Variants in PRMT5 observed in about 807,000 individuals in gnomAD.
The protein encoded by PRMT5 is protein arginine methyltransferase 5, also known as protein arginine N-methyltransferase 5.
Under a neutral mutation model 84.0 loss-of-function variants are expected in PRMT5, and 15 were observed. The observed-to-expected ratio is 0.18, with a 90% CI of 0.12 to 0.28. The LOEUF is 0.28. PRMT5 is among the 10% of genes least tolerant of loss of function. PRMT5 has a pLI of 1.00. For missense variants in PRMT5, 486 were observed against 808.0 expected (o/e 0.60, Z 4.83); for synonymous variants, 276 against 292.4 (o/e 0.94, Z 0.57).
rs1386397749 is a variant in PRMT5 at position 22,924,360 on chromosome 14, G to A, written c.1109C>T (p.Pro370Leu). The A allele has an allele frequency of 6.2e-7, 1 of 1,613,974 alleles. No homozygotes were observed. The highest frequency in any genetic ancestry group is 8.5e-7 in the Non-Finnish European group (1 of 1,180,012). ...TGCCCGCAGGGAAGCGTTCACCAGG[G>A]GTCCCCGTCCTGCTCCCAGCACCAT... ...VLMVLGAGRGPLVNASLRAAK... is the reference protein window; with the variant it reads ...VLMVLGAGRGLLVNASLRAAK... The change falls in exon 11 of 17, where the codon CCC (proline) becomes CTC (leucine). Residue 370 changes from proline to leucine, a missense_variant. By Grantham distance (98) the Pro-to-Leu change is moderately conservative (BLOSUM62 -3). This residue lies in a region of PRMT5 where 219 missense variants were observed against 433.6 expected (regional missense o/e 0.51). Coordinates refer to ENST00000324366, the MANE Select transcript of PRMT5 (RefSeq NM_006109.5). The surrounding 1 kb of genome is among the most constrained non-coding windows in gnomAD (Gnocchi z 6.5).
chr14:22,925,295 T>C (rs1297770413), intron 7 of PRMT5, among the ~76,000 whole-genome samples: 2 of 152,002 alleles, frequency 1.3e-5, no homozygotes, highest in African/African-American at 4.8e-5. Context: ...TAGCTGGGAC[T>C]ACAGGTGCGT....
In PRMT5 at chr14:22,928,707, C is replaced by T; in HGVS notation, c.111-92G>A. On this transcript the variant is annotated intron_variant, in intron 1 of 16. Coordinates refer to ENST00000324366, the MANE Select transcript of PRMT5 (RefSeq NM_006109.5). This position sits in a 1 kb window ranked among gnomAD's most constrained non-coding sequence, Gnocchi z 4.8. ...TTTAGGCTATCTTGATTTTGCACAG[C>T]CCTTTCAGCTGCCATCAGTTCAGCC... The T allele has an allele frequency of 9.8e-7, 1 of 1,023,284 alleles. No individual in the cohort carries two copies. The highest frequency in any genetic ancestry group is 1.3e-5 in the South Asian group (1 of 77,148). 63.4% of individuals were successfully genotyped at this position (1,023,284 alleles called of 1,614,324 possible).
Position 22,928,154 on chromosome 14 carries a change from A to G in PRMT5, c.287T>C (p.Val96Ala), listed in dbSNP as rs201289389. The change falls in exon 3 of 17, where the codon GTG (valine) becomes GCG (alanine). Residue 96 changes from valine to alanine, a missense_variant. By Grantham distance (64) the Val-to-Ala change is moderately conservative (BLOSUM62 0). Around this residue, in one of 4 missense-constraint regions of PRMT5, gnomAD observed 215 missense variants for 301.1 expected, o/e 0.71. Coordinates refer to ENST00000324366, the MANE Select transcript of PRMT5 (RefSeq NM_006109.5). The surrounding 1 kb of genome is among the most constrained non-coding windows in gnomAD (Gnocchi z 4.8). ...LSPWIRPDSK[V>A]EKIRRNSEAA... ...CTCGGAGTTCCTGCGAATCTTCTCC[A>G]CTTTTGAGTCTGGACGAATCCATGG... 22 of 1,614,072 alleles carry G rather than the reference A, an allele frequency of 1.4e-5. No homozygotes were observed. The highest frequency in any genetic ancestry group is 1.7e-5 in the Non-Finnish European group (20 of 1,180,038).
rs1438181127 is a variant in PRMT5 at position 22,923,994 on chromosome 14, C to A, written c.1375+14G>T. ...CCATCATCACCCTCCACCTACACCCCAACCTGGGGGCACCTTTTAGGAAGT... is the reference window on the plus strand; with the variant it reads ...CCATCATCACCCTCCACCTACACCCAAACCTGGGGGCACCTTTTAGGAAGT... On this transcript the variant is annotated intron_variant, in intron 12 of 16. Coordinates refer to ENST00000324366, the MANE Select transcript of PRMT5 (RefSeq NM_006109.5). The surrounding 1 kb of genome is among the most constrained non-coding windows in gnomAD (Gnocchi z 5.2). 4.5e-6 allele frequency: 7 copies of A among 1,540,760 alleles called. No homozygotes were observed. Among genetic ancestry groups the A allele is most frequent in the Non-Finnish European group, 6.1e-6 (7 of 1,146,250 alleles).
rs767675628 is a variant in PRMT5, at chr14:22,924,603, C to T, written c.1017+29G>A. ...CTCCCCAGGTCATGCTGGCCCTGTG[C>T]TTTCCTCACCCTGGGCACCACACAG... On this transcript the variant is annotated intron_variant, in intron 9 of 16. Transcript: ENST00000324366. This position sits in a 1 kb window ranked among gnomAD's most constrained non-coding sequence, Gnocchi z 6.5. The T allele has an allele frequency of 4.3e-6, 7 of 1,612,792 alleles. No individual in the cohort carries two copies. Among genetic ancestry groups the T allele is most frequent in the Non-Finnish European group, 5.9e-6 (7 of 1,178,816 alleles).
Position 22,923,876 on chromosome 14 carries a change from G to T in PRMT5, c.1375+132C>A. On this transcript the variant is annotated intron_variant, in intron 12 of 16. Transcript: ENST00000324366. This position sits in a 1 kb window ranked among gnomAD's most constrained non-coding sequence, Gnocchi z 5.2. ...TTCATTTGCTAGGGGCACAGAGGCA[G>T]TGAAGCAGTGGCTCTCAAACTCATA... 1 of 972,516 alleles carries T rather than the reference G, an allele frequency of 1.0e-6. No individual in the cohort carries two copies. The highest frequency in any genetic ancestry group is 1.5e-6 in the Non-Finnish European group (1 of 667,378). The allele number at this position is 972,516 out of a possible 1,614,324, so 60.2% of individuals were successfully genotyped here.
In PRMT5 at chr14:22,924,603, C is replaced by A. The variant is rs767675628; in HGVS notation, c.1017+29G>T. On this transcript the variant is annotated intron_variant, in intron 9 of 16. Transcript: ENST00000324366. The surrounding 1 kb of genome is among the most constrained non-coding windows in gnomAD (Gnocchi z 6.5). ...CTCCCCAGGTCATGCTGGCCCTGTGCTTTCCTCACCCTGGGCACCACACAG... is the reference window on the plus strand; with the variant it reads ...CTCCCCAGGTCATGCTGGCCCTGTGATTTCCTCACCCTGGGCACCACACAG... The A allele has an allele frequency of 6.2e-7, 1 of 1,612,792 alleles. No individual in the cohort carries two copies. Among genetic ancestry groups the A allele is most frequent in the Admixed American group, 1.7e-5 (1 of 60,006 alleles).
intron 7 of PRMT5, 130 bp downstream of exon 7, chr14:22,926,003 C>T: frequency 1.9e-6 from 2 of 1,030,184 alleles, no homozygotes; most frequent in Non-Finnish European, 2.8e-6. Context: ...CTCAAGATTC[C>T]CAACTTCACT....
chr14:22,925,182 G>A, intron 7 of PRMT5, 142 bp from the exon 8 acceptor site: 1 of 951,924 alleles, frequency 1.1e-6, no homozygotes, highest in East Asian at 2.8e-5. Context: ...AAAAGATGGA[G>A]TCTCGCTCTA....
rs563922807 is a variant in PRMT5, at chr14:22,921,975, G to C, written c.1761+201C>G. On this transcript the variant is annotated intron_variant, in intron 16 of 16. Transcript: ENST00000324366. ...TCTTGCTCAAAGTAGAGAACAGACA[G>C]AAGAGTAGCCAGAGTAGATGCGGGA... 2.0e-5 allele frequency among the ~76,000 whole-genome samples: 3 copies of C among 151,644 alleles called. No homozygotes were observed. In the South Asian group the frequency reaches 6.3e-4, roughly 32 times the overall value.
Position 22,926,535 on chromosome 14 carries a change from A to G in PRMT5, c.584T>C (p.Leu195Ser). The G allele has an allele frequency of 1.2e-6, 2 of 1,614,158 alleles. No individual in the cohort carries two copies. Among genetic ancestry groups the G allele is most frequent in the Non-Finnish European group, 1.7e-6 (2 of 1,180,030 alleles). Residue 195 changes from leucine (L) to serine (S), a missense_variant, in exon 6 of 17, where the codon TTG becomes TCG. Leu to Ser is a moderately radical substitution (Grantham distance 145, BLOSUM62 -2). Coordinates refer to ENST00000324366, the MANE Select transcript of PRMT5 (RefSeq NM_006109.5). ...TGCAATCCTCTTACTATAGTCACAC[A>G]AAGTCCGGAAGTTGTGCCACCTGTT... ...TWMWWHNFRTLCDYSKRIAVA... is the reference protein window; with the variant it reads ...TWMWWHNFRTSCDYSKRIAVA...
At chr14:22,929,001 C>T (rs1364835557) in intron 1 of PRMT5, 4 of 827,420 alleles carry the variant, frequency 4.8e-6, no homozygotes, top group Non-Finnish European at 3.8e-6. Flanking sequence ...AGACAATAAT[C>T]GCGACCTCCA....
At chr14:22,926,906 C>T (rs548768806) in intron 4 of PRMT5, 92 bp from the exon 5 acceptor site, 357 of 834,738 alleles carry the variant, frequency 4.3e-4, no homozygotes, top group Non-Finnish European at 6.3e-4. Flanking sequence ...ATCCAGACCT[C>T]GTTAATCCCT....
intron 16 of PRMT5, among the ~76,000 whole-genome samples, chr14:22,921,314 A>G (rs2044291139): frequency 6.6e-6 from 1 of 152,232 alleles, no homozygotes; most frequent in African/African-American, 2.4e-5. Flanking sequence ...CACAATAAAA[A>G]TGTTTAAAGA....
chr14:22,929,316 T>G lies in PRMT5; in HGVS notation c.46A>C (p.Ser16Arg). The change falls in exon 1 of 17, where the codon AGC (serine) becomes CGC (arginine). Residue 16 changes from serine to arginine, a missense_variant. Physicochemically the swap from Ser to Arg is moderately radical, Grantham distance 110. Coordinates refer to ENST00000324366, the MANE Select transcript of PRMT5 (RefSeq NM_006109.5). ...VGGAGGSRVS[S>R]GRDLNCVPEI... is the part of the protein sequence containing the mutation. ...GGGACGCAATTCAGGTCCCTCCCGC[T>G]GGACACGCGGCTCCCACCAGCACCC... 1 of 1,612,968 alleles carries G rather than the reference T, an allele frequency of 6.2e-7. No individual in the cohort carries two copies. Among genetic ancestry groups the G allele is most frequent in the Non-Finnish European group, 8.5e-7 (1 of 1,179,750 alleles).
rs2044364300 is a variant in PRMT5, at chr14:22,924,178, T to G, written c.1205A>C (p.Glu402Ala). 1 of 1,610,298 alleles carries G rather than the reference T, an allele frequency of 6.2e-7. No homozygotes were observed. Among genetic ancestry groups the G allele is most frequent in the South Asian group, 1.1e-5 (1 of 90,540 alleles). Residue 402 changes from glutamate to alanine, a missense_variant, in exon 12 of 17, where the codon GAG becomes GCG. Glu to Ala is a moderately radical substitution (Grantham distance 107, BLOSUM62 -1). Coordinates refer to ENST00000324366, the MANE Select transcript of PRMT5 (RefSeq NM_006109.5). The surrounding 1 kb of genome is among the most constrained non-coding windows in gnomAD (Gnocchi z 6.5). Reference sequence around the variant, plus strand: ...TCCCCATTCTTCAAACTGCCAGTTCTCTAGCCTGAAACAGAGACAATAAGG... The same window carrying G: ...TCCCCATTCTTCAAACTGCCAGTTCGCTAGCCTGAAACAGAGACAATAAGG... ...EKNPNAVVTLENWQFEEWGSQ... is the reference protein window; with the variant it reads ...EKNPNAVVTLANWQFEEWGSQ...
rs1464992127 is a variant in PRMT5 at position 22,924,466 on chromosome 14, G to A, written c.1076+13C>T. 1 of 1,613,864 alleles carries A rather than the reference G, an allele frequency of 6.2e-7. No individual in the cohort carries two copies. The highest frequency in any genetic ancestry group is 8.5e-7 in the Non-Finnish European group (1 of 1,179,832). ...GGTATGCAAGTCCCTGAGATTGAGG[G>A]GAAAGCACTCACTGGACATTGGTAT... On this transcript the variant is annotated intron_variant, in intron 10 of 16. Transcript: ENST00000324366. This position sits in a 1 kb window ranked among gnomAD's most constrained non-coding sequence, Gnocchi z 6.5.
rs2044360047 is a variant in PRMT5 at position 22,923,932 on chromosome 14, CT to C, written c.1375+75del. The C allele has an allele frequency of 6.7e-7, 1 of 1,493,352 alleles. No individual in the cohort carries two copies. The highest frequency in any genetic ancestry group is 8.9e-7 in the Non-Finnish European group (1 of 1,120,118). 92.5% of individuals were successfully genotyped at this position (1,493,352 alleles called of 1,614,324 possible). Reference sequence around the variant, plus strand: ...TGACCCAGGTCCAACCCACTTTCCCCTAAACCCTGTACCCTCCTCCCAGGTT... The same window carrying C: ...TGACCCAGGTCCAACCCACTTTCCCCAAACCCTGTACCCTCCTCCCAGGTT... On this transcript the variant is annotated intron_variant, in intron 12 of 16. Transcript: ENST00000324366. This position sits in a 1 kb window ranked among gnomAD's most constrained non-coding sequence, Gnocchi z 5.2.
At chr14:22,926,896 A>T in intron 4 of PRMT5, 82 bp from the exon 5 acceptor site, 1 of 945,610 alleles carries the variant, frequency 1.1e-6, no homozygotes, top group Non-Finnish European at 1.7e-6. Context: ...AAAAAACTTC[A>T]TCCAGACCTC....
Sources: allele counts gnomAD v4.1 joint callset (sites outside exome capture counted in the v4.1 genomes callset), GRCh38; gene constraint gnomAD v4.1.1; regional missense constraint gnomAD v4.1.1; non-coding constraint Gnocchi (gnomAD v3.1); transcripts MANE v1.5; gene names NCBI Gene and HGNC (gene_info 2026-07-23, HGNC 2026-07-21).